RFX5: variants seen among roughly 807,000 people sequenced by gnomAD.
The protein encoded by RFX5 is DNA-binding protein RFX5.
RFX5 carries 30 observed loss-of-function variants against 41.2 expected under a neutral mutation model. The observed-to-expected ratio is 0.73, with a 90% confidence interval of 0.54 to 0.99. The LOEUF is 0.99. Among genes scored for constraint, RFX5 ranks in the 50% least tolerant of loss-of-function variants. The pLI is 0.00. For synonymous variants in RFX5, 231 were observed against 291.8 expected (o/e 0.79, Z 2.12); for missense variants, 715 against 773.6 (o/e 0.92, Z 0.90).
In RFX5 at chr1:151,344,139, G is replaced by T. The variant is rs996580702; in HGVS notation, c.555+58C>A. On this transcript the variant is annotated intron_variant, in intron 8 of 10. Transcript: ENST00000452671. ...GTTAGCCCTCAAAACATGCCCCAAA[G>T]ACCTCTGACTTTTACCTGGGAGAGA... is the stretch of plus-strand genomic sequence containing the variant. 2.6e-6 allele frequency: 4 copies of T among 1,551,380 alleles called. No individual in the cohort carries two copies. The African/African-American group carries it at 5.4e-5, about 21-fold the overall frequency.
At chr1:151,344,704 C>A in intron 6 of RFX5, 24 bp downstream of exon 6, 13 of 1,363,518 alleles carry the variant, frequency 9.5e-6, no homozygotes, top group Non-Finnish European at 9.1e-6. Context: ...ATCCACTCAT[C>A]CCACCACCCA....
chr1:151,342,612 TC>T lies in RFX5; in HGVS notation c.1424del (p.Gly475GlufsTer91). Reference protein sequence around the residue: ...KRGRPRKKSGGSGERNSTPLK... With the variant: ...KRGRPRKKSGXSGERNSTPLK... ...GAGGGGTAGAATTCCTTTCCCCACT[TC>T]CACCTGACTTTTTTCGAGGGCGCCC... On this transcript the variant is annotated frameshift_variant, in exon 11 of 11. Transcript: ENST00000452671. LOFTEE classifies it low-confidence loss of function (END_TRUNC). 6.2e-7 allele frequency: 1 copy of T among 1,614,162 alleles called. No individual in the cohort carries two copies. Among genetic ancestry groups the T allele is most frequent in the Non-Finnish European group, 8.5e-7 (1 of 1,180,032 alleles).
rs543684871 is a variant in RFX5 at position 151,342,598 on chromosome 1, T to G, written c.1439A>C (p.Asn480Thr). 2 of 1,614,088 alleles carry G rather than the reference T, an allele frequency of 1.2e-6. No homozygotes were observed. The highest frequency in any genetic ancestry group is 1.7e-6 in the Non-Finnish European group (2 of 1,180,044). ...AGCTGCTGACTTGAGAGGGGTAGAA[T>G]TCCTTTCCCCACTTCCACCTGACTT... The part of the protein sequence containing the change: ...RKKSGGSGER[N>T]STPLKSAAAM... Residue 480 changes from asparagine (N) to threonine (T), a missense_variant, in exon 11 of 11, where the codon AAT becomes ACT. Coordinates refer to ENST00000452671, the MANE Select transcript of RFX5 (RefSeq NM_001025603.2).
rs745755012 is a variant in RFX5 at position 151,343,167 on chromosome 1, A to G, written c.870T>C (p.Asp290=). Residue 290 remains aspartate (D), a synonymous_variant, in exon 11 of 11, where the codon GAT becomes GAC. Coordinates refer to ENST00000452671, the MANE Select transcript of RFX5 (RefSeq NM_001025603.2). ...GACCGGCCCCAGTTCGGGCTTCCAGATCCTTAGGAGGCTAAAAAGTAAAGA... is the reference window on the plus strand; with the variant it reads ...GACCGGCCCCAGTTCGGGCTTCCAGGTCCTTAGGAGGCTAAAAAGTAAAGA... ...KPERLAQPPK[D]LEARTGAGPL... 1 of 1,611,334 alleles carries G rather than the reference A, an allele frequency of 6.2e-7. No homozygotes were observed. The highest frequency in any genetic ancestry group is 8.5e-7 in the Non-Finnish European group (1 of 1,180,028).
Position 151,343,860 on chromosome 1 carries a change from G to A in RFX5, c.578C>T (p.Thr193Ile). The change falls in exon 9 of 11, where the codon ACC (threonine) becomes ATC (isoleucine). Residue 193 changes from threonine (T) to isoleucine (I), a missense_variant. By Grantham distance (89) the Thr-to-Ile change is moderately conservative (BLOSUM62 -1). Coordinates refer to ENST00000452671, the MANE Select transcript of RFX5 (RefSeq NM_001025603.2). ...CACCAGTTCATCTCGAGGTGCTGGG[G>A]TTACTTCTGGGCCCATTTCTGGCTG... ...SESPEMGPEV[T>I]PAPRDELVEA... is the part of the protein sequence containing the mutation. The A allele has an allele frequency of 1.2e-6, 2 of 1,613,990 alleles. No homozygotes were observed. The highest frequency in any genetic ancestry group is 1.7e-6 in the Non-Finnish European group (2 of 1,179,982).
chr1:151,346,292 C>T lies in RFX5; in HGVS notation c.29G>A (p.Ser10Asn). The change falls in exon 3 of 11, where the codon AGC becomes AAC. Residue 10 changes from serine to asparagine, a missense_variant. Ser to Asn is a conservative substitution (Grantham distance 46). Coordinates refer to ENST00000452671, the MANE Select transcript of RFX5 (RefSeq NM_001025603.2). ...GGGGGCCCTTCCCCCAGTCTTGGGG[C>T]TCTTAGCATCAGGCTCATCTTCTGC... MAEDEPDAK[S>N]PKTGGRAPPG... is the part of the protein sequence containing the mutation. The T allele has an allele frequency of 1.2e-6, 2 of 1,614,060 alleles. No homozygotes were observed. The highest frequency in any genetic ancestry group is 1.7e-6 in the Non-Finnish European group (2 of 1,179,932).
At position 151,342,589 on chromosome 1, in the gene RFX5, G is replaced by T. The variant is rs61818008; in HGVS notation, c.1448C>A (p.Pro483His). ...SGGSGERNST[P>H]LKSAAAMESA... ...TTCCATGGCAGCTGCTGACTTGAGA[G>T]GGGTAGAATTCCTTTCCCCACTTCC... Residue 483 changes from proline to histidine, a missense_variant, in exon 11 of 11, where the codon CCT (proline) becomes CAT (histidine). Pro to His is a moderately conservative substitution (Grantham distance 77). Coordinates refer to ENST00000452671, the MANE Select transcript of RFX5 (RefSeq NM_001025603.2). 6.2e-7 allele frequency: 1 copy of T among 1,614,054 alleles called. No homozygotes were observed. The highest frequency in any genetic ancestry group is 8.5e-7 in the Non-Finnish European group (1 of 1,180,036).
Position 151,345,451 on chromosome 1 carries a change from T to C in RFX5, c.151-263A>G, listed in dbSNP as rs531399502. 1.3e-5 allele frequency: 5 copies of C among 383,646 alleles called. No individual in the cohort carries two copies. The East Asian group carries it at 3.1e-4, about 24-fold the overall frequency. 23.8% of individuals were successfully genotyped at this position (383,646 alleles called of 1,614,324 possible). A position where few individuals can be genotyped will look rare whatever the true frequency, so the allele number is the denominator to read the frequency against. ...GGTGAAACCCCGTTTCTACTAAAAA[T>C]ACAAAAAAAAATTAGCTGGGTGTGG... On this transcript the variant is annotated intron_variant, in intron 4 of 10. Transcript: ENST00000452671.
intron 6 of RFX5, 25 bp downstream of exon 6, chr1:151,344,703 T>TGCCCCCCCC: frequency 6.6e-7 from 1 of 1,515,660 alleles, no homozygotes; most frequent in Non-Finnish European, 8.9e-7. Context: ...AATCCACTCA[T>TGCCCCCCCC]CCCACCACCC....
chr1:151,342,195 T>C lies in RFX5; in HGVS notation c.1842A>G (p.Thr614=). 6.2e-7 allele frequency: 1 copy of C among 1,614,002 alleles called. No homozygotes were observed. The highest frequency in any genetic ancestry group is 1.6e-4 in the Middle Eastern group (1 of 6,062). ...TCCCCACAGACCTGTATCATGGGGG[T>C]GTTGCTTTTGGGTCTTTATGCTCCT... ...LSQEHKDPKA[T]PP Residue 614 remains threonine (T), a synonymous_variant, in exon 11 of 11, where the codon ACA becomes ACG. Coordinates refer to ENST00000452671, the MANE Select transcript of RFX5 (RefSeq NM_001025603.2).
Position 151,346,283 on chromosome 1 carries a change from G to A in RFX5, c.38C>T (p.Thr13Ile). 1 of 1,614,144 alleles carries A rather than the reference G, an allele frequency of 6.2e-7. No homozygotes were observed. The highest frequency in any genetic ancestry group is 8.5e-7 in the Non-Finnish European group (1 of 1,180,010). Residue 13 changes from threonine to isoleucine, a missense_variant, in exon 3 of 11, where the codon ACT (threonine) becomes ATT (isoleucine). Transcript: ENST00000452671. ...ACCACCTGGGGGGGCCCTTCCCCCAGTCTTGGGGCTCTTAGCATCAGGCTC... is the reference window on the plus strand; with the variant it reads ...ACCACCTGGGGGGGCCCTTCCCCCAATCTTGGGGCTCTTAGCATCAGGCTC... The part of the protein sequence containing the change: ...EDEPDAKSPK[T>I]GGRAPPGGAE...
chr1:151,346,088 A>G, intron 3 of RFX5, 117 bp downstream of exon 3: 1 of 1,564,270 alleles, frequency 6.4e-7, no homozygotes, highest in Non-Finnish European at 8.8e-7. Flanking sequence ...ATGGCCAAAA[A>G]TCTCCCTCTG....
rs147822761 is a variant in RFX5 at position 151,342,878 on chromosome 1, T to C, written c.1159A>G (p.Thr387Ala). 37 of 1,613,902 alleles carry C rather than the reference T, an allele frequency of 2.3e-5. No individual in the cohort carries two copies. The African/African-American group carries it at 3.3e-4, about 15-fold the overall frequency. ...AVPIINMILP[T>A]VPALPGPGPG... ...CCAGGTCCAGGCAAAGCAGGAACAG[T>C]TGGTAAGATCATGTTAATGATGGGC... is the stretch of plus-strand genomic sequence containing the variant. The change falls in exon 11 of 11, where the codon ACT (threonine) becomes GCT (alanine). Residue 387 changes from threonine (T) to alanine (A), a missense_variant. Physicochemically the swap from Thr to Ala is moderately conservative, Grantham distance 58 (BLOSUM62 0). Transcript: ENST00000452671.
chr1:151,345,996 C>T lies in RFX5; in HGVS notation c.117-35G>A, dbSNP rs761189585. The T allele has an allele frequency of 1.9e-5, 30 of 1,614,016 alleles. No individual in the cohort carries two copies. In the South Asian group the frequency reaches 3.3e-4, roughly 18 times the overall value. On this transcript the variant is annotated intron_variant, in intron 3 of 10. Transcript: ENST00000452671. ...AGAGGAGAAAGCTGGAGGTCACACACAAGATTTTCCCTGTCTCTTTATCTG... is the reference window on the plus strand; with the variant it reads ...AGAGGAGAAAGCTGGAGGTCACACATAAGATTTTCCCTGTCTCTTTATCTG...
Position 151,343,851 on chromosome 1 carries a change from G to C in RFX5, c.587C>G (p.Pro196Arg). Residue 196 changes from proline (P) to arginine (R), a missense_variant, in exon 9 of 11, where the codon CCT (proline) becomes CGT (arginine). By Grantham distance (103) the Pro-to-Arg change is moderately radical. Coordinates refer to ENST00000452671, the MANE Select transcript of RFX5 (RefSeq NM_001025603.2). The stretch of plus-strand genomic sequence containing the variant: ...CGCTGCCTCCACCAGTTCATCTCGA[G>C]GTGCTGGGGTTACTTCTGGGCCCAT... ...PEMGPEVTPAPRDELVEAACA... is the reference protein window; with the variant it reads ...PEMGPEVTPARRDELVEAACA... 2.5e-6 allele frequency: 4 copies of C among 1,614,080 alleles called. No individual in the cohort carries two copies. The South Asian group carries it at 3.3e-5, about 13-fold the overall frequency.
intron 3 of RFX5, 111 bp downstream of exon 3, chr1:151,346,094 C>T: frequency 1.9e-6 from 3 of 1,560,282 alleles, no homozygotes; most frequent in Non-Finnish European, 2.7e-6. Context: ...AAAAATCTCC[C>T]TCTGCTCCCA....
In RFX5 at chr1:151,340,932, G is replaced by A. The variant is rs138596264; in HGVS notation, c.*1254C>T. On this transcript the variant is annotated 3_prime_UTR_variant, in exon 11 of 11. Coordinates refer to ENST00000452671, the MANE Select transcript of RFX5 (RefSeq NM_001025603.2). ...ACTGCTTTTCCCAAGGATACATCTG[G>A]AGGGTCTGCATTCCTTTCTCATTGG... 6.5e-6 allele frequency: 1 copy of A among 152,736 alleles called. No homozygotes were observed. Among genetic ancestry groups the A allele is most frequent in the East Asian group, 1.9e-4 (1 of 5,190 alleles). 9.5% of individuals were successfully genotyped at this position (152,736 alleles called of 1,614,324 possible). A position where few individuals can be genotyped will look rare whatever the true frequency, so the allele number is the denominator to read the frequency against.
intron 2 of RFX5, 59 bp downstream of exon 2, chr1:151,346,430 G>A (rs1374589951): frequency 1.1e-6 from 1 of 906,432 alleles, no homozygotes; most frequent in East Asian, 2.6e-5. Flanking sequence ...ACCCAGAAAG[G>A]CAGAGAAACA....
Position 151,341,979 on chromosome 1 carries a change from T to C in RFX5, c.*207A>G, listed in dbSNP as rs548322191. Reference sequence around the variant, plus strand: ...TACAGGTAAGGTCACTACAGATTTATTGGTTACACTAAAGCCCAGGGTATC... The same window carrying C: ...TACAGGTAAGGTCACTACAGATTTACTGGTTACACTAAAGCCCAGGGTATC... On this transcript the variant is annotated 3_prime_UTR_variant, in exon 11 of 11. Coordinates refer to ENST00000452671, the MANE Select transcript of RFX5 (RefSeq NM_001025603.2). 14 of 735,232 alleles carry C rather than the reference T, an allele frequency of 1.9e-5. No homozygotes were observed. The highest frequency in any genetic ancestry group is 1.6e-4 in the East Asian group (6 of 36,952). The allele number at this position is 735,232 out of a possible 1,614,324, so 45.5% of individuals were successfully genotyped here. A position where few individuals can be genotyped will look rare whatever the true frequency, so the allele number is the denominator to read the frequency against.
Sources: allele counts gnomAD v4.1 joint callset, GRCh38; gene constraint gnomAD v4.1.1; transcripts MANE v1.5; gene names NCBI Gene and HGNC (gene_info 2026-07-23, HGNC 2026-07-21).